The following ARHGAP5 variants were observed in gnomAD, a reference collection of about 807,000 sequenced individuals.
ARHGAP5 encodes the protein Rho GTPase activating protein 5, also known as rho GTPase-activating protein 5.
Under a neutral mutation model 116.6 loss-of-function variants are expected in ARHGAP5, and 23 were observed. The ratio of observed to expected loss-of-function variants is 0.20; its 90% CI spans 0.14 to 0.28. ARHGAP5 has a LOEUF of 0.28. Among genes scored for constraint, ARHGAP5 ranks in the 10% least tolerant of loss-of-function variants. ARHGAP5 has a pLI of 1.00. For missense variants in ARHGAP5, 1,405 were observed against 1,774.8 expected (o/e 0.79, Z 3.74); for synonymous variants, 574 against 602.0 (o/e 0.95, Z 0.68).
Position 32,077,412 on chromosome 14 carries a change from G to A in ARHGAP5, c.-192G>A. 1.4e-6 allele frequency: 1 copy of A among 706,536 alleles called. No individual in the cohort carries two copies. The highest frequency in any genetic ancestry group is 1.7e-5 in the African/African-American group (1 of 57,506). The allele number at this position is 706,536 out of a possible 1,614,324, so 43.8% of individuals were successfully genotyped here. On this transcript the variant is annotated 5_prime_UTR_variant, in exon 1 of 7. Transcript: ENST00000345122. ...CCGGGGCCGCTGCCGTTGAGGAGGAGACGGAGGAGACCGACGTTGTTAGGT... is the reference window on the plus strand; with the variant it reads ...CCGGGGCCGCTGCCGTTGAGGAGGAAACGGAGGAGACCGACGTTGTTAGGT...
intron 5 of ARHGAP5, among the ~76,000 whole-genome samples, chr14:32,151,860 C>T (rs1881651555): frequency 6.6e-6 from 1 of 152,092 alleles, no homozygotes; most frequent in Non-Finnish European, 1.5e-5. Flanking sequence ...GATTAGCTTT[C>T]CTTATAAAAA....
chr14:32,098,148 T>C (rs1878622493), intron 2 of ARHGAP5, among the ~76,000 whole-genome samples: 1 of 152,200 alleles, frequency 6.6e-6, no homozygotes, highest in South Asian at 2.1e-4. Flanking sequence ...CAGAATAGCA[T>C]GGACACTTCT....
chr14:32,104,429 T>G (rs1878918530), intron 2 of ARHGAP5, among the ~76,000 whole-genome samples: 1 of 152,218 alleles, frequency 6.6e-6, no homozygotes, highest in Non-Finnish European at 1.5e-5. Flanking sequence ...TACTCTGTTG[T>G]TTTTTATTTC....
At chr14:32,136,119 A>C in intron 3 of ARHGAP5, among the ~76,000 whole-genome samples, 1 of 152,138 alleles carries the variant, frequency 6.6e-6, no homozygotes, top group East Asian at 1.9e-4. Context: ...ATGGGCTTTT[A>C]GAATTTTTTT....
At chr14:32,134,478 A>G (rs375166019) in intron 3 of ARHGAP5, among the ~76,000 whole-genome samples, 9 of 152,202 alleles carry the variant, frequency 5.9e-5, no homozygotes, top group African/African-American at 2.2e-4. Context: ...CTTCATCCCT[A>G]TCAGCTTTTT....
chr14:32,133,659 C>T (rs759345578), intron 3 of ARHGAP5, among the ~76,000 whole-genome samples: 16 of 152,110 alleles, frequency 1.1e-4, no homozygotes, highest in Non-Finnish European at 1.6e-4. Flanking sequence ...CTGTCTTGTG[C>T]CCGTTTTCAA....
chr14:32,092,702 TAAG>T lies in ARHGAP5; in HGVS notation c.2036_2038del (p.Arg679del), dbSNP rs751531664. 3 of 1,613,702 alleles carry T rather than the reference TAAG, an allele frequency of 1.9e-6. No homozygotes were observed. Among genetic ancestry groups the T allele is most frequent in the African/African-American group, 2.7e-5 (2 of 74,882 alleles). On this transcript the variant is annotated inframe_deletion, in exon 2 of 7. Transcript: ENST00000345122. This position sits in a 1 kb window ranked among gnomAD's most constrained non-coding sequence, Gnocchi z 4.1. ...TTTATTGGGGAATTTATTGGGAAAA[TAAG>T]AACTGAAGCTTCTCAGATCAGAAAA...
At chr14:32,087,522 T>G (rs2041842411) in intron 1 of ARHGAP5, among the ~76,000 whole-genome samples, 1 of 127,608 alleles carries the variant, frequency 7.8e-6, no homozygotes, top group Non-Finnish European at 1.6e-5. Flanking sequence ...GCCTCTTGAA[T>G]TAAGTAAACC....
At chr14:32,117,825 AAAC>A (rs1208989243) in intron 3 of ARHGAP5, among the ~76,000 whole-genome samples, 2 of 152,218 alleles carry the variant, frequency 1.3e-5, no homozygotes, top group African/African-American at 2.4e-5. Flanking sequence ...ATTATTTTAA[AAAC>A]AAGCCTGCTC....
rs552917475 is a variant in ARHGAP5, at chr14:32,132,644, A to T, written c.3866-13619A>T. Among the ~76,000 whole-genome samples the T allele has an allele frequency of 2.3e-3, 347 of 152,190 alleles. 1 individual carries two copies. The highest frequency in any genetic ancestry group is 0.014 in the Middle Eastern group (4 of 294). ...GTTGCCATTGCTTTTGGTGTTTTAG[A>T]CATGAAGTCCTTGTCCATGCCTATG... On this transcript the variant is annotated intron_variant, in intron 3 of 6. Transcript: ENST00000345122.
intron 1 of ARHGAP5, among the ~76,000 whole-genome samples, chr14:32,087,196 T>C (rs1434565914): frequency 6.6e-6 from 1 of 151,946 alleles, no homozygotes; most frequent in African/African-American, 2.4e-5. Context: ...AACAATAAAT[T>C]TTTTTTGTTC....
rs1410461691 is a variant in ARHGAP5, at chr14:32,143,230, G to GTTATTATTATTA, written c.3866-3031_3866-3030insATTATTATTATT. On this transcript the variant is annotated intron_variant, in intron 3 of 6. Coordinates refer to ENST00000345122, the MANE Select transcript of ARHGAP5 (RefSeq NM_001030055.2). ...TGTTGTTGTTGTTGTTGTTGTTGTT[G>GTTATTATTATTA]TTGTTGTTGTTATTATTATTATTAT... Among the ~76,000 whole-genome samples the GTTATTATTATTA allele has an allele frequency of 7.6e-4, 114 of 149,658 alleles. 1 individual carries two copies. Among genetic ancestry groups the GTTATTATTATTA allele is most frequent in the African/African-American group, 2.9e-3 (113 of 39,606 alleles).
At chr14:32,101,016 A>C (rs1013129344) in intron 2 of ARHGAP5, among the ~76,000 whole-genome samples, 3 of 152,088 alleles carry the variant, frequency 2.0e-5, no homozygotes, top group African/African-American at 7.2e-5. Context: ...ATACTTGGTG[A>C]ATTTTATGGT....
At chr14:32,137,632 A>G (rs147163686) in intron 3 of ARHGAP5, among the ~76,000 whole-genome samples, 8 of 152,268 alleles carry the variant, frequency 5.3e-5, no homozygotes, top group African/African-American at 1.2e-4. Context: ...TAAAAATTGC[A>G]TTGAATCTGT....
At chr14:32,137,704 G>A (rs899629435) in intron 3 of ARHGAP5, among the ~76,000 whole-genome samples, 1 of 152,098 alleles carries the variant, frequency 6.6e-6, no homozygotes, top group Non-Finnish European at 1.5e-5. Context: ...CAGGTGGGGT[G>A]GCTCACGCCT....
chr14:32,143,239 G>GTTATTATTA (rs879687026), intron 3 of ARHGAP5, among the ~76,000 whole-genome samples: 4 of 143,886 alleles, frequency 2.8e-5, no homozygotes, highest in African/African-American at 1.1e-4. Context: ...TGTTGTTGTT[G>GTTATTATTA]TTATTATTAT....
intron 3 of ARHGAP5, among the ~76,000 whole-genome samples, chr14:32,125,906 CATGTTTATGG>C (rs1239495805): frequency 6.6e-6 from 1 of 151,920 alleles, no homozygotes; most frequent in Admixed American, 6.6e-5. Flanking sequence ...ATTTAATTTT[CATGTTTATGG>C]ATGTTTATGG....
chr14:32,143,564 A>G (rs968040826), intron 3 of ARHGAP5, among the ~76,000 whole-genome samples: 2 of 152,136 alleles, frequency 1.3e-5, no homozygotes, highest in African/African-American at 2.4e-5. Flanking sequence ...ATTATTTTAC[A>G]TTACTAAAAT....
At chr14:32,133,460 A>G (rs541039954) in intron 3 of ARHGAP5, among the ~76,000 whole-genome samples, 2,279 of 152,322 alleles carry the variant, frequency 0.015, 52 homozygotes, top group African/African-American at 0.051. Flanking sequence ...GAAGTTGCTT[A>G]TCAGCTTGAG....
Sources: allele counts gnomAD v4.1 joint callset (sites outside exome capture counted in the v4.1 genomes callset), GRCh38; gene constraint gnomAD v4.1.1; non-coding constraint Gnocchi (gnomAD v3.1); transcripts MANE v1.5; gene names NCBI Gene and HGNC (gene_info 2026-07-23, HGNC 2026-07-21).